FSIP2: variants seen among roughly 807,000 people sequenced by gnomAD.
FSIP2 encodes fibrous sheath interacting protein 2, also known as fibrous sheath-interacting protein 2.
FSIP2 carries 367 observed loss-of-function variants against 510.5 expected under a neutral mutation model. The ratio of observed to expected loss-of-function variants is 0.72; its 90% CI spans 0.66 to 0.78. FSIP2 has a LOEUF of 0.78. FSIP2 is among the 30% of genes least tolerant of loss of function. The probability of loss-of-function intolerance (pLI) is 0.00; values close to 1 mark genes in which losing one functional copy is unlikely to be tolerated. For synonymous variants in FSIP2, 2,601 were observed against 2,732.2 expected, an observed-to-expected ratio of 0.95 and a Z score of 1.50; for missense variants, 7,594 against 7,901.7, an observed-to-expected ratio of 0.96 and a Z score of 1.48.
chr2:185,757,311 C>A (rs563458243), intron 9 of FSIP2, among the ~76,000 whole-genome samples: 2 of 151,422 alleles, frequency 1.3e-5, no homozygotes, highest in South Asian at 4.1e-4. Context: ...TTTAGCCTCA[C>A]TGCAATACCA....
chr2:185,792,646 C>G lies in FSIP2; in HGVS notation c.5510C>G (p.Ala1837Gly), dbSNP rs1270049527. Residue 1837 changes from alanine to glycine, a missense_variant, in exon 16 of 23, where the codon GCA becomes GGA. By Grantham distance (60) the Ala-to-Gly change is moderately conservative (BLOSUM62 0). Transcript: ENST00000424728. ...DKMMDPLLSE[A>G]DITIVTDNIV... is the part of the protein sequence containing the mutation. ...ATGATGGATCCTTTACTTTCGGAAG[C>G]AGATATAACCATAGTAACAGATAAT... The G allele has an allele frequency of 1.3e-6, 2 of 1,533,736 alleles. No individual in the cohort carries two copies. Among genetic ancestry groups the G allele is most frequent in the South Asian group, 2.4e-5 (2 of 84,016 alleles).
At position 185,760,996 on chromosome 2, in the gene FSIP2, G is replaced by A. The variant is rs1692338592; in HGVS notation, c.1087G>A (p.Ala363Thr). 2.1e-6 allele frequency: 3 copies of A among 1,434,940 alleles called. No homozygotes were observed. The highest frequency in any genetic ancestry group is 2.3e-5 in the Admixed American group (1 of 44,396). The allele number at this position is 1,434,940 out of a possible 1,614,324, so 88.9% of individuals were successfully genotyped here. A position where few individuals can be genotyped will look rare whatever the true frequency, so the allele number is the denominator to read the frequency against. Reference protein sequence around the residue: ...NTYKETHGHTANAAHQRQNSS... With the variant: ...NTYKETHGHTTNAAHQRQNSS... Reference sequence around the variant, plus strand: ...CTCTCGTTTTCTTTTAGGACATACAGCAAATGCTGCTCATCAGCGTCAAAA... The same window carrying A: ...CTCTCGTTTTCTTTTAGGACATACAACAAATGCTGCTCATCAGCGTCAAAA... The change falls in exon 10 of 23, where the codon GCA becomes ACA. Residue 363 changes from alanine to threonine, a missense_variant. Physicochemically the swap from Ala to Thr is moderately conservative, Grantham distance 58. Coordinates refer to ENST00000424728, the MANE Select transcript of FSIP2 (RefSeq NM_173651.4).
intron 17 of FSIP2, among the ~76,000 whole-genome samples, chr2:185,810,755 T>C (rs2105661638): frequency 6.6e-6 from 1 of 151,970 alleles, no homozygotes; most frequent in South Asian, 2.1e-4. Context: ...TAGAAGAGTT[T>C]AGAAGGCTCA....
rs185834695 is a variant in FSIP2, at chr2:185,764,023, A to T, written c.1348-479A>T. Reference sequence around the variant, plus strand: ...TTAAATATGCTAAGAATAAAAAAAAATTTTTTAACAGCTTTGACATTGGGT... The same window carrying T: ...TTAAATATGCTAAGAATAAAAAAAATTTTTTTAACAGCTTTGACATTGGGT... On this transcript the variant is annotated intron_variant, in intron 12 of 22. Coordinates refer to ENST00000424728, the MANE Select transcript of FSIP2 (RefSeq NM_173651.4). 1.3e-3 allele frequency among the ~76,000 whole-genome samples: 198 copies of T among 151,712 alleles called. 1 individual carries two copies. Among genetic ancestry groups the T allele is most frequent in the Non-Finnish European group, 2.1e-3 (141 of 67,676 alleles).
intron 18 of FSIP2, among the ~76,000 whole-genome samples, chr2:185,814,932 T>A (rs1213316096): frequency 6.6e-6 from 1 of 152,030 alleles, no homozygotes; most frequent in African/African-American, 2.4e-5. Flanking sequence ...AGCATAAATA[T>A]AACTCTGGTC....
At position 185,766,710 on chromosome 2, in the gene FSIP2, A is replaced by G. The variant is rs1220573926; in HGVS notation, c.1411+2145A>G. On this transcript the variant is annotated intron_variant, in intron 13 of 22. Transcript: ENST00000424728. The stretch of plus-strand genomic sequence containing the variant: ...TGTGGAGAAATAGGAACACTTTTAC[A>G]CTGTTGGTGGGACTGTAAACTAGTT... Among the ~76,000 whole-genome samples, 5 of 150,736 alleles carry G rather than the reference A, an allele frequency of 3.3e-5. No individual in the cohort carries two copies. In the East Asian group the frequency reaches 1.0e-3, roughly 30 times the overall value.
At chr2:185,739,619 T>C (rs1691881629) in intron 2 of FSIP2, 148 bp downstream of exon 2, 1 of 668,414 alleles carries the variant, frequency 1.5e-6, no homozygotes, top group Non-Finnish European at 2.3e-6. Flanking sequence ...AGGTATTGTT[T>C]AGAATGCATA....
At chr2:185,814,187 T>A in intron 18 of FSIP2, 145 bp downstream of exon 18, 3 of 794,972 alleles carry the variant, frequency 3.8e-6, no homozygotes, top group Non-Finnish European at 5.8e-6. Flanking sequence ...TAAGGGAAAT[T>A]ATTACCAGGT....
intron 14 of FSIP2, among the ~76,000 whole-genome samples, chr2:185,784,677 G>A (rs1276350162): frequency 6.6e-6 from 1 of 151,964 alleles, no homozygotes; most frequent in Non-Finnish European, 1.5e-5. Context: ...ATTTTTCAAG[G>A]ATATTATGAA....
At chr2:185,785,937 A>C (rs557571447) in intron 14 of FSIP2, among the ~76,000 whole-genome samples, 1 of 151,934 alleles carries the variant, frequency 6.6e-6, no homozygotes, top group Non-Finnish European at 1.5e-5. Flanking sequence ...TGCAAATCCT[A>C]TATCCATTTT....
rs1270987578 is a variant in FSIP2 at position 185,807,963 on chromosome 2, A to C, written c.18657A>C (p.Ser6219=). The change falls in exon 17 of 23, where the codon TCA becomes TCC. Residue 6219 remains serine (S), a synonymous_variant. Transcript: ENST00000424728. ...AAATAACTTCAAAAGTACTAAATTC[A>C]GTCCAAGAATTTATCTCCAAAAGTA... The part of the protein sequence containing the change: ...MQKITSKVLN[S]VQEFISKSKI... The C allele has an allele frequency of 5.0e-6, 8 of 1,609,508 alleles. No homozygotes were observed. Among genetic ancestry groups the C allele is most frequent in the Non-Finnish European group, 3.4e-6 (4 of 1,177,592 alleles).
chr2:185,798,775 G>C (rs1486748712), intron 16 of FSIP2, among the ~76,000 whole-genome samples: 1 of 151,800 alleles, frequency 6.6e-6, no homozygotes, highest in Non-Finnish European at 1.5e-5. Context: ...GAAGATCCAT[G>C]ATTTCATCAC....
At chr2:185,756,118 G>T in intron 8 of FSIP2, 74 bp from the exon 9 acceptor site, 2 of 538,488 alleles carry the variant, frequency 3.7e-6, no homozygotes, top group Non-Finnish European at 6.3e-6. Flanking sequence ...GGGCATAAAA[G>T]GATAAGTAGT....
intron 19 of FSIP2, among the ~76,000 whole-genome samples, chr2:185,818,389 G>T (rs1196222258): frequency 2.0e-5 from 3 of 151,806 alleles, no homozygotes; most frequent in African/African-American, 7.2e-5. Flanking sequence ...AGAAGAAATT[G>T]AGAAAGAAAC....
At chr2:185,744,027 G>T (rs528919303) in intron 3 of FSIP2, among the ~76,000 whole-genome samples, 3 of 151,636 alleles carry the variant, frequency 2.0e-5, no homozygotes, top group Non-Finnish European at 4.4e-5. Context: ...ATGGGGTCTT[G>T]CTATGTTGCC....
At position 185,809,138 on chromosome 2, in the gene FSIP2, G is replaced by A; in HGVS notation, c.19827+5G>A. ...CTGGATGTAAAACCCCTAGAGGTAA[G>A]TGCAAAAGCAATGGCATGAAAATGA... On this transcript the variant is annotated splice_donor_5th_base_variant and intron_variant, in intron 17 of 22. Transcript: ENST00000424728. 6.5e-7 allele frequency: 1 copy of A among 1,535,534 alleles called. No individual in the cohort carries two copies. The highest frequency in any genetic ancestry group is 1.3e-5 in the South Asian group (1 of 76,876).
In FSIP2 at chr2:185,796,358, C is replaced by T; in HGVS notation, c.9222C>T (p.Phe3074=). 6.5e-7 allele frequency: 1 copy of T among 1,533,650 alleles called. No individual in the cohort carries two copies. Among genetic ancestry groups the T allele is most frequent in the Non-Finnish European group, 8.7e-7 (1 of 1,145,136 alleles). The change falls in exon 16 of 23, where the codon TTC becomes TTT. Residue 3074 remains phenylalanine, a synonymous_variant. Transcript: ENST00000424728. The part of the protein sequence containing the change: ...IQNILLRVHS[F]HSQLLTYAVN... ...ATATCCTTCTACGGGTTCATTCATT[C>T]CATTCACAATTACTTACATATGCTG... is the stretch of plus-strand genomic sequence containing the variant.
Position 185,808,000 on chromosome 2 carries a change from G to T in FSIP2, c.18694G>T (p.Val6232Leu). Residue 6232 changes from valine (V) to leucine (L), a missense_variant, in exon 17 of 23, where the codon GTA (valine) becomes TTA (leucine). Physicochemically the swap from Val to Leu is conservative, Grantham distance 32. Coordinates refer to ENST00000424728, the MANE Select transcript of FSIP2 (RefSeq NM_173651.4). ...EFISKSKIKL[V>L]PPTKESPTVP... The stretch of plus-strand genomic sequence containing the variant: ...TATCTCCAAAAGTAAGATTAAACTT[G>T]TACCACCCACCAAGGAATCACCTAC... 1 of 1,611,118 alleles carries T rather than the reference G, an allele frequency of 6.2e-7. No individual in the cohort carries two copies. Among genetic ancestry groups the T allele is most frequent in the Non-Finnish European group, 8.5e-7 (1 of 1,178,290 alleles).
chr2:185,828,064 G>A, intron 20 of FSIP2, 92 bp from the exon 21 acceptor site: 2 of 755,806 alleles, frequency 2.6e-6, no homozygotes, highest in South Asian at 3.3e-5. Flanking sequence ...TGATTCTTTG[G>A]TGAAAAATAA....
Sources: gnomAD v4.1 joint callset for allele counts (sites outside exome capture counted in the v4.1 genomes callset) on GRCh38, gnomAD v4.1.1 for gene constraint, MANE v1.5 for transcripts, NCBI Gene and HGNC (gene_info 2026-07-23, HGNC 2026-07-21) for gene names.